NFATC4: variants seen among roughly 807,000 people sequenced by gnomAD.
NFATC4 encodes the protein nuclear factor of activated T cells 4.
NFATC4 carries 25 observed loss-of-function variants against 73.4 expected under a neutral mutation model. The observed-to-expected ratio is 0.34, with a 90% confidence interval of 0.25 to 0.48. The LOEUF is 0.48. Among genes scored for constraint, NFATC4 ranks in the 20% least tolerant of loss-of-function variants. The probability of loss-of-function intolerance (pLI) is 0.99; values close to 1 mark genes in which losing one functional copy is unlikely to be tolerated. For missense variants in NFATC4, 1,130 were observed against 1,203.7 expected, an observed-to-expected ratio of 0.94 and a Z score of 0.91; for synonymous variants, 523 against 510.3, an observed-to-expected ratio of 1.02 and a Z score of -0.34.
chr14:24,372,692 C>T lies in NFATC4; in HGVS notation c.1359+89C>T, dbSNP rs2042505136. The T allele has an allele frequency of 2.9e-5, 45 of 1,528,058 alleles. 2 individuals carry two copies. In the South Asian group the frequency reaches 5.1e-4, roughly 17 times the overall value. 94.7% of individuals were successfully genotyped at this position (1,528,058 alleles called of 1,614,324 possible). On this transcript the variant is annotated intron_variant, in intron 3 of 9. Coordinates refer to ENST00000250373, the MANE Select transcript of NFATC4 (RefSeq NM_004554.5). ...ACACATGGCACTGCCCTTTCCCACACTCCCTCTCAGCTCTGACCCTGCAGG... is the reference window on the plus strand; with the variant it reads ...ACACATGGCACTGCCCTTTCCCACATTCCCTCTCAGCTCTGACCCTGCAGG...
chr14:24,376,245 G>T lies in NFATC4; in HGVS notation c.2057-49G>T. The T allele has an allele frequency of 1.3e-6, 2 of 1,558,722 alleles. No homozygotes were observed. On this transcript the variant is annotated intron_variant, in intron 8 of 9. Transcript: ENST00000250373. The surrounding 1 kb of genome is among the most constrained non-coding windows in gnomAD (Gnocchi z 5.0). ...GCAGCTGGAAGGTGTGCAGTGGGGA[G>T]ACTACCAGACCTCTCACCAGCATGT...
At chr14:24,367,727 G>C, upstream of NFATC4, 1 of 1,492,838 alleles carries the variant, frequency 6.7e-7, no homozygotes, top group Non-Finnish European at 8.9e-7. Context: ...GACCCTCCTG[G>C]CCTCAGGCTT....
chr14:24,370,321 ACCCGGGCTCCCCTGGTCCCTT>A lies in NFATC4; in HGVS notation c.924_944del (p.Pro309_Phe315del). On this transcript the variant is annotated inframe_deletion, in exon 2 of 10. Transcript: ENST00000250373. ...CCACCCCCATTGCCTCTGGCCCGGG[ACCCGGGCTCCCCTGGTCCCTT>A]TGACTATGTGGGGGCCCCACCAGCT... 6.2e-7 allele frequency: 1 copy of A among 1,611,318 alleles called. No individual in the cohort carries two copies. Among genetic ancestry groups the A allele is most frequent in the Non-Finnish European group, 8.5e-7 (1 of 1,178,204 alleles).
In NFATC4 at chr14:24,376,652, C is replaced by T. The variant is rs568205566; in HGVS notation, c.2415C>T (p.Phe805=). The T allele has an allele frequency of 1.2e-6, 2 of 1,613,438 alleles. No homozygotes were observed. Among genetic ancestry groups the T allele is most frequent in the Admixed American group, 1.7e-5 (1 of 59,954 alleles). ...RGSSFSLGLP[F]SPPAPFRPPP... ...CCTCTTTCTCCCTGGGGCTGCCATT[C>T]TCTCCGCCAGCCCCCTTTCGGCCGC... is the stretch of plus-strand genomic sequence containing the variant. Residue 805 remains phenylalanine, a synonymous_variant, in exon 9 of 10, where the codon TTC becomes TTT. Coordinates refer to ENST00000250373, the MANE Select transcript of NFATC4 (RefSeq NM_004554.5). This position sits in a 1 kb window ranked among gnomAD's most constrained non-coding sequence, Gnocchi z 5.0.
In NFATC4 at chr14:24,373,828, G is replaced by A; in HGVS notation, c.1693G>A (p.Val565Ile). ...RVHVPQGGGK[V>I]VSVQAASVPI... ...ACACGTGCCCCAGGGCGGCGGGAAG[G>A]TCGTCTCAGTACAGGCAGCATCGGT... Residue 565 changes from valine to isoleucine, a missense_variant, in exon 5 of 10, where the codon GTC (valine) becomes ATC (isoleucine). Val to Ile is a conservative substitution (Grantham distance 29). Coordinates refer to ENST00000250373, the MANE Select transcript of NFATC4 (RefSeq NM_004554.5). This position sits in a 1 kb window ranked among gnomAD's most constrained non-coding sequence, Gnocchi z 4.7. 1 of 1,614,080 alleles carries A rather than the reference G, an allele frequency of 6.2e-7. No individual in the cohort carries two copies. Among genetic ancestry groups the A allele is most frequent in the Non-Finnish European group, 8.5e-7 (1 of 1,180,018 alleles).
intron 2 of NFATC4, chr14:24,371,644 T>A (rs1343945540): frequency 6.6e-6 from 1 of 152,282 alleles, no homozygotes; most frequent in Non-Finnish European, 1.5e-5. Flanking sequence ...CAGAATGTGC[T>A]CAGTCCTAGG....
At chr14:24,366,963 C>T, upstream of NFATC4, 1 of 1,562,028 alleles carries the variant, frequency 6.4e-7, no homozygotes, top group South Asian at 1.2e-5. Context: ...TGGGATGGGG[C>T]GGCGTTGGGG....
At position 24,372,462 on chromosome 14, in the gene NFATC4, G is replaced by A. The variant is rs750475623; in HGVS notation, c.1218G>A (p.Leu406=). Residue 406 remains leucine (L), a synonymous_variant, in exon 3 of 10, where the codon CTG becomes CTA. Coordinates refer to ENST00000250373, the MANE Select transcript of NFATC4 (RefSeq NM_004554.5). ...PIFRTSALPP[L]DWPLPSQYEQ... ...CCAGGACCTCTGCCCTACCCCCACT[G>A]GACTGGCCTCTGCCCAGCCAATATG... 1.2e-6 allele frequency: 2 copies of A among 1,613,748 alleles called. No homozygotes were observed. Among genetic ancestry groups the A allele is most frequent in the South Asian group, 1.1e-5 (1 of 91,074 alleles).
upstream of NFATC4, chr14:24,368,001 T>G (rs1035853485): frequency 6.6e-5 from 72 of 1,096,024 alleles, no homozygotes; most frequent in South Asian, 2.0e-4. Context: ...AGTTTTTTTT[T>G]TTTTGAGGGG....
Position 24,374,465 on chromosome 14 carries a change from T to C in NFATC4, c.1872T>C (p.Pro624=). 1 of 1,610,972 alleles carries C rather than the reference T, an allele frequency of 6.2e-7. No individual in the cohort carries two copies. Among genetic ancestry groups the C allele is most frequent in the Non-Finnish European group, 8.5e-7 (1 of 1,178,044 alleles). The change falls in exon 6 of 10, where the codon CCT becomes CCC. Residue 624 remains proline, a splice_region_variant and synonymous_variant. Coordinates refer to ENST00000250373, the MANE Select transcript of NFATC4 (RefSeq NM_004554.5). The stretch of plus-strand genomic sequence containing the variant: ...AGGTGGTGTTCATTGAGAGGGGTCC[T>C]GGTGAGTACCTGCTGGGGAGGGGAG... The part of the protein sequence containing the change: ...DSKVVFIERG[P]DGKLQWEEEA...
chr14:24,371,097 A>T (rs931584714), intron 2 of NFATC4, among the ~76,000 whole-genome samples: 44 of 152,244 alleles, frequency 2.9e-4, no homozygotes, highest in Non-Finnish European at 1.6e-4. Context: ...GCTAACTTGA[A>T]TAAAATAGCA....
At chr14:24,375,910 C>T in intron 7 of NFATC4, 65 bp from the exon 8 acceptor site, 1 of 1,607,572 alleles carries the variant, frequency 6.2e-7, no homozygotes, top group Non-Finnish European at 8.5e-7. Context: ...AGTCTGGGCC[C>T]CTGGAAAGGC....
chr14:24,369,241 T>C, intron 1 of NFATC4: 1 of 1,537,060 alleles, frequency 6.5e-7, no homozygotes. Flanking sequence ...GACCCACCTC[T>C]CTCACCTTAA....
chr14:24,376,795 C>T lies in NFATC4; in HGVS notation c.2558C>T (p.Ala853Val), dbSNP rs1371880202. ...VGPGYGPGEG[A>V]PEQEKSRGGY... Reference sequence around the variant, plus strand: ...CCAGGCTATGGCCCTGGGGAGGGGGCTCCGGAGCAGGAGAAATCCAGGGGT... The same window carrying T: ...CCAGGCTATGGCCCTGGGGAGGGGGTTCCGGAGCAGGAGAAATCCAGGGGT... The change falls in exon 9 of 10, where the codon GCT becomes GTT. Residue 853 changes from alanine (A) to valine (V), a missense_variant. Around this residue, in one of 3 missense-constraint regions of NFATC4, gnomAD observed 390 missense variants for 408.1 expected, o/e 0.96. Transcript: ENST00000250373. The surrounding 1 kb of genome is among the most constrained non-coding windows in gnomAD (Gnocchi z 5.0). The T allele has an allele frequency of 1.9e-6, 3 of 1,610,272 alleles. No individual in the cohort carries two copies. Among genetic ancestry groups the T allele is most frequent in the Non-Finnish European group, 2.5e-6 (3 of 1,178,688 alleles).
Position 24,376,239 on chromosome 14 carries a change from T to C in NFATC4, c.2057-55T>C, listed in dbSNP as rs2042610754. Reference sequence around the variant, plus strand: ...GAGCAGGCAGCTGGAAGGTGTGCAGTGGGGAGACTACCAGACCTCTCACCA... The same window carrying C: ...GAGCAGGCAGCTGGAAGGTGTGCAGCGGGGAGACTACCAGACCTCTCACCA... On this transcript the variant is annotated intron_variant, in intron 8 of 9. Transcript: ENST00000250373. This position sits in a 1 kb window ranked among gnomAD's most constrained non-coding sequence, Gnocchi z 5.0. 5 of 1,562,864 alleles carry C rather than the reference T, an allele frequency of 3.2e-6. No homozygotes were observed. In the Admixed American group the frequency reaches 7.2e-5, roughly 23 times the overall value.
Position 24,369,662 on chromosome 14 carries a change from G to A in NFATC4, c.264G>A (p.Gln88=). The A allele has an allele frequency of 3.1e-6, 5 of 1,612,886 alleles. No homozygotes were observed. Among genetic ancestry groups the A allele is most frequent in the South Asian group, 1.1e-5 (1 of 91,002 alleles). Residue 88 remains glutamine, a synonymous_variant, in exon 2 of 10, where the codon CAG becomes CAA. Transcript: ENST00000250373. The part of the protein sequence containing the change: ...PAPSPGTWES[Q]PARSVRLGGP... ...CCTCACCTGGCACCTGGGAGAGCCA[G>A]CCCGCCAGGTCGGTGAGGCTGGGAG...
rs758927641 is a variant in NFATC4 at position 24,370,388 on chromosome 14, A to T, written c.990A>T (p.Thr330=). The change falls in exon 2 of 10, where the codon ACA becomes ACT. Residue 330 remains threonine (T), a synonymous_variant. Transcript: ENST00000250373. ...CAGCTGAGAGCATCCCTCAGAAGAC[A>T]CGGCGGACTTCCAGCGAGCAGGCAG... ...APPAESIPQK[T]RRTSSEQAVA... is the part of the protein sequence containing the mutation. The T allele has an allele frequency of 3.7e-6, 6 of 1,613,986 alleles. No individual in the cohort carries two copies. The highest frequency in any genetic ancestry group is 3.4e-6 in the Non-Finnish European group (4 of 1,180,012).
chr14:24,374,042 T>A, intron 5 of NFATC4, 175 bp downstream of exon 5: 2 of 1,049,320 alleles, frequency 1.9e-6, no homozygotes, highest in Non-Finnish European at 2.9e-6. Context: ...ACTCTGTCTC[T>A]GGGGTGGCCC....
At position 24,369,718 on chromosome 14, in the gene NFATC4, G is replaced by GTGCTGGGGA; in HGVS notation, c.322_323insCTGGGGATG (p.Gly107_Gly108insAlaGlyAsp). On this transcript the variant is annotated inframe_insertion, in exon 2 of 10. Coordinates refer to ENST00000250373, the MANE Select transcript of NFATC4 (RefSeq NM_004554.5). ...GGAGGGGGTGCTGGGGGTGCTGGGG[G>GTGCTGGGGA]TGGCCGTGTTCTCGAGTGTCCCAGC... 1 of 1,610,680 alleles carries GTGCTGGGGA rather than the reference G, an allele frequency of 6.2e-7. No individual in the cohort carries two copies. The highest frequency in any genetic ancestry group is 1.1e-5 in the South Asian group (1 of 90,830).
Sources: allele counts gnomAD v4.1 joint callset (sites outside exome capture counted in the v4.1 genomes callset), GRCh38; gene constraint gnomAD v4.1.1; regional missense constraint gnomAD v4.1.1; non-coding constraint Gnocchi (gnomAD v3.1); transcripts MANE v1.5; gene names NCBI Gene and HGNC (gene_info 2026-07-23, HGNC 2026-07-21).